Variants in LMNTD1 observed in about 807,000 individuals in gnomAD.
LMNTD1 encodes the protein lamin tail domain containing 1.
A neutral mutation model predicts 50.9 loss-of-function variants in LMNTD1; 35 were observed. That is an observed-to-expected ratio of 0.69 (90% CI 0.53 to 0.91). LMNTD1 has a LOEUF of 0.91. Ranked by LOEUF, LMNTD1 falls within the 40% of genes least tolerant of loss-of-function variation. The probability of loss-of-function intolerance (pLI) is 0.00; values close to 1 mark genes in which losing one functional copy is unlikely to be tolerated. For missense variants in LMNTD1, 470 were observed against 475.5 expected (o/e 0.99, Z 0.11); for synonymous variants, 153 against 161.9 (o/e 0.94, Z 0.42).
chr12:25,639,038 C>T (rs754697385), intron 1 of LMNTD1, among the ~76,000 whole-genome samples: 4 of 152,102 alleles, frequency 2.6e-5, no homozygotes, highest in Non-Finnish European at 5.9e-5. Flanking sequence ...TGATTTTTGA[C>T]AAGGGTGCTA....
rs541380694 is a variant in LMNTD1 at position 25,512,190 on chromosome 12, A to G, written c.1189+6605T>C. Among the ~76,000 whole-genome samples the G allele has an allele frequency of 3.3e-5, 5 of 152,388 alleles. 1 individual carries two copies. In the East Asian group the frequency reaches 7.7e-4, roughly 23 times the overall value. ...CTTTTGCAACATTTGCTTTGGTTAT[A>G]TAGGTTTGAAATACATATTTGCAGC... On this transcript the variant is annotated intron_variant, in intron 8 of 9. Coordinates refer to ENST00000458174, the MANE Select transcript of LMNTD1 (RefSeq NM_001145728.2).
rs557864376 is a variant in LMNTD1 at position 25,519,575 on chromosome 12, G to C, written c.1016+283C>G. 9.4e-3 allele frequency among the ~76,000 whole-genome samples: 378 copies of C among 40,378 alleles called. 2 individuals carry two copies. The highest frequency in any genetic ancestry group is 0.016 in the Non-Finnish European group (289 of 18,298). The allele number at this position is 40,378 out of a possible 152,430, so 26.5% of individuals were successfully genotyped here. ...TGCACTCCAGCCTGGGTGACAGAGC[G>C]AGACTCTGTCTCAAAAAAAAAAAAA... On this transcript the variant is annotated intron_variant, in intron 7 of 9. Coordinates refer to ENST00000458174, the MANE Select transcript of LMNTD1 (RefSeq NM_001145728.2).
chr12:25,570,130 C>T lies in LMNTD1; in HGVS notation c.59-23576G>A, dbSNP rs538994294. Among the ~76,000 whole-genome samples, 81 of 152,194 alleles carry T rather than the reference C, an allele frequency of 5.3e-4. 1 individual carries two copies. In the South Asian group the frequency reaches 0.013, roughly 24 times the overall value. ...ATACCATTCCCTGCAAAATACTGAG[C>T]GCCATCGTTTACAAGGCAATTGAAT... On this transcript the variant is annotated intron_variant, in intron 1 of 7. Coordinates refer to the LMNTD1 transcript ENST00000445693.
At chr12:25,570,811 G>A (rs1177353605) in intron 1 of LMNTD1, among the ~76,000 whole-genome samples, 1 of 152,182 alleles carries the variant, frequency 6.6e-6, no homozygotes, top group Admixed American at 6.5e-5. Context: ...TGGCTCTAGA[G>A]GCAATCTCTT....
chr12:25,518,671 T>A, intron 8 of LMNTD1, 124 bp downstream of exon 8: 1 of 818,238 alleles, frequency 1.2e-6, no homozygotes, highest in Non-Finnish European at 2.0e-6. Flanking sequence ...TTAAGAGCCA[T>A]CTATTCTTGA....
chr12:25,630,191 T>C (rs530043288), intron 1 of LMNTD1, among the ~76,000 whole-genome samples: 4 of 151,874 alleles, frequency 2.6e-5, no homozygotes, highest in Non-Finnish European at 4.4e-5. Context: ...ATCAAACAAA[T>C]AAAAAAACAA....
chr12:25,495,249 C>CGCGT (rs1555208226), intron 9 of LMNTD1, among the ~76,000 whole-genome samples: 80 of 144,768 alleles, frequency 5.5e-4, no homozygotes, highest in Non-Finnish European at 9.2e-4. Flanking sequence ...AAAGTGTGTA[C>CGCGT]GTGTGTGTGT....
chr12:25,515,608 A>T (rs1591868428), intron 8 of LMNTD1, among the ~76,000 whole-genome samples: 1 of 152,250 alleles, frequency 6.6e-6, no homozygotes, highest in East Asian at 1.9e-4. Flanking sequence ...AAATATTAAC[A>T]TGCATTCATT....
intron 1 of LMNTD1, among the ~76,000 whole-genome samples, chr12:25,563,073 G>T (rs1482160708): frequency 6.6e-6 from 1 of 152,170 alleles, no homozygotes; most frequent in African/African-American, 2.4e-5. Flanking sequence ...TCTTTGTGAT[G>T]GGTTCGAACA....
rs565519504 is a variant in LMNTD1, at chr12:25,512,511, G to A, written c.1189+6284C>T. On this transcript the variant is annotated intron_variant, in intron 8 of 9. Transcript: ENST00000458174. ...GAGAAGTGTCTTTTTTGTTCTTTAC[G>A]TATTTTATAACATTAAAAAAAGATT... 9.2e-5 allele frequency among the ~76,000 whole-genome samples: 14 copies of A among 151,964 alleles called. No homozygotes were observed. In the East Asian group the frequency reaches 1.5e-3, roughly 17 times the overall value.
chr12:25,553,993 A>G (rs1943922163), upstream of LMNTD1, among the ~76,000 whole-genome samples: 1 of 152,208 alleles, frequency 6.6e-6, no homozygotes, highest in Admixed American at 6.5e-5. Context: ...TTTGAAAATG[A>G]TTTTTAAAGA....
At chr12:25,494,654 A>G (rs1181867446) in intron 9 of LMNTD1, among the ~76,000 whole-genome samples, 1 of 152,152 alleles carries the variant, frequency 6.6e-6, no homozygotes, top group Non-Finnish European at 1.5e-5. Flanking sequence ...TATATTGTCT[A>G]AGCACAAAGT....
intron 1 of LMNTD1, among the ~76,000 whole-genome samples, chr12:25,566,176 A>G (rs955683470): frequency 6.6e-6 from 1 of 152,084 alleles, no homozygotes; most frequent in African/African-American, 2.4e-5. Flanking sequence ...CTTTGAATAA[A>G]CTTTCTACCC....
chr12:25,633,342 A>G (rs773991595), intron 1 of LMNTD1, among the ~76,000 whole-genome samples: 1 of 152,234 alleles, frequency 6.6e-6, no homozygotes, highest in Non-Finnish European at 1.5e-5. Context: ...AGATATATAT[A>G]GAACATTTCA....
At chr12:25,609,794 G>C (rs1946201682) in intron 1 of LMNTD1, among the ~76,000 whole-genome samples, 1 of 152,200 alleles carries the variant, frequency 6.6e-6, no homozygotes, top group Non-Finnish European at 1.5e-5. Flanking sequence ...GGCTACACGG[G>C]GGTCAGGGAC....
intron 4 of LMNTD1, among the ~76,000 whole-genome samples, chr12:25,531,957 T>G (rs1942254450): frequency 6.6e-6 from 1 of 152,150 alleles, no homozygotes; most frequent in Admixed American, 6.5e-5. Context: ...TTTTTTTTAC[T>G]TCTAGAACTT....
intron 1 of LMNTD1, among the ~76,000 whole-genome samples, chr12:25,626,804 G>C (rs1412414064): frequency 6.6e-6 from 1 of 152,126 alleles, no homozygotes; most frequent in African/African-American, 2.4e-5. Context: ...TCCCACCCAA[G>C]CTGAAACCTC....
chr12:25,630,388 T>C (rs1159265518), intron 1 of LMNTD1, among the ~76,000 whole-genome samples: 1 of 151,998 alleles, frequency 6.6e-6, no homozygotes, highest in East Asian at 1.9e-4. Flanking sequence ...GAATTTTAGC[T>C]CCAGGTCAAC....
At chr12:25,502,344 GC>G (rs749951204) in intron 9 of LMNTD1, among the ~76,000 whole-genome samples, 1 of 152,044 alleles carries the variant, frequency 6.6e-6, no homozygotes, top group Non-Finnish European at 1.5e-5. Flanking sequence ...AAGTGCTGTT[GC>G]TAAATGCCTG....
Sources: gnomAD v4.1 joint callset for allele counts (sites outside exome capture counted in the v4.1 genomes callset) on GRCh38, gnomAD v4.1.1 for gene constraint, MANE v1.5 for transcripts, NCBI Gene and HGNC (gene_info 2026-07-23, HGNC 2026-07-21) for gene names.